The following ACBD3 variants were observed in gnomAD, a reference collection of about 807,000 sequenced individuals.
ACBD3 encodes acyl-CoA binding domain containing 3, also known as Golgi resident protein GCP60.
Under a neutral mutation model 66.9 loss-of-function variants are expected in ACBD3, and 30 were observed. The observed-to-expected ratio is 0.45, with a 90% CI of 0.34 to 0.61. ACBD3 has a LOEUF of 0.61. Among genes scored for constraint, ACBD3 ranks in the 20% least tolerant of loss-of-function variants. The pLI is 0.02. For synonymous variants in ACBD3, 278 were observed against 259.8 expected, an observed-to-expected ratio of 1.07 and a Z score of -0.68; for missense variants, 544 against 664.5, an observed-to-expected ratio of 0.82 and a Z score of 1.99.
Position 226,161,663 on chromosome 1 carries a change from C to G in ACBD3, c.596G>C (p.Arg199Pro), listed in dbSNP as rs762254068. The change falls in exon 4 of 8, where the codon CGT (arginine) becomes CCT (proline). Residue 199 changes from arginine to proline, a missense_variant. This residue lies in a region of ACBD3 where 383 missense variants were observed against 462.4 expected (regional missense o/e 0.83). Coordinates refer to ENST00000366812, the MANE Select transcript of ACBD3 (RefSeq NM_022735.4). ...CAGACGTTCTCTTTCTTCCTCTTCA[C>G]GCCGCCTTCGCTCCTCTTCCTCCTT... ...KRKEEEERRRREEEERERLQK... is the reference protein window; with the variant it reads ...KRKEEEERRRPEEEERERLQK... 1.9e-6 allele frequency: 3 copies of G among 1,604,144 alleles called. No homozygotes were observed. Among genetic ancestry groups the G allele is most frequent in the African/African-American group, 2.7e-5 (2 of 74,344 alleles).
rs1469262428 is a variant in ACBD3, at chr1:226,146,575, C to T, written c.*35G>A. 6.4e-7 allele frequency: 1 copy of T among 1,570,050 alleles called. No individual in the cohort carries two copies. The highest frequency in any genetic ancestry group is 8.7e-7 in the Non-Finnish European group (1 of 1,144,140). On this transcript the variant is annotated 3_prime_UTR_variant, in exon 8 of 8. Transcript: ENST00000366812. ...TTTCCAAATTAAATGTCATCTTCTG[C>T]CCAACCCTAGACTCCAGACTTTGTA...
chr1:226,175,074 AGAGT>A (rs1479439315), intron 1 of ACBD3, among the ~76,000 whole-genome samples: 1 of 148,896 alleles, frequency 6.7e-6, no homozygotes, highest in Non-Finnish European at 1.5e-5. Flanking sequence ...GCCTGACAAA[AGAGT>A]GAGACTCCAT....
In ACBD3 at chr1:226,145,615, T is replaced by C. The variant is rs901384204; in HGVS notation, c.*995A>G. On this transcript the variant is annotated 3_prime_UTR_variant, in exon 8 of 8. Coordinates refer to ENST00000366812, the MANE Select transcript of ACBD3 (RefSeq NM_022735.4). ...TTCTCCTTAATAAGTAATTCCAAAC[T>C]GGAATAATGTGGGGTTTGTGACTAA... 2 of 152,598 alleles carry C rather than the reference T, an allele frequency of 1.3e-5. No homozygotes were observed. Among genetic ancestry groups the C allele is most frequent in the Admixed American group, 6.5e-5 (1 of 15,276 alleles). 9.5% of individuals were successfully genotyped at this position (152,598 alleles called of 1,614,324 possible).
chr1:226,165,054 C>T, intron 2 of ACBD3, 125 bp from the exon 3 acceptor site: 1 of 1,027,404 alleles, frequency 9.7e-7, no homozygotes, highest in Non-Finnish European at 1.3e-6. Flanking sequence ...GAGCAAAAGG[C>T]TCAAAACTTC....
In ACBD3 at chr1:226,152,220, T is replaced by A. The variant is rs1457997950; in HGVS notation, c.1375+115A>T. On this transcript the variant is annotated intron_variant, in intron 7 of 7. Transcript: ENST00000366812. ...CAAGGTCCCACTAATGAAGAAAGTG[T>A]TCCCTAACCATGAAGTGTTAGTCAG... is the stretch of plus-strand genomic sequence containing the variant. 5.1e-6 allele frequency: 7 copies of A among 1,362,072 alleles called. No individual in the cohort carries two copies. The African/African-American group carries it at 1.0e-4, about 20-fold the overall frequency. The allele number at this position is 1,362,072 out of a possible 1,614,324, so 84.4% of individuals were successfully genotyped here. A position where few individuals can be genotyped will look rare whatever the true frequency, so the allele number is the denominator to read the frequency against.
chr1:226,170,891 C>T (rs149339816), intron 1 of ACBD3, among the ~76,000 whole-genome samples: 4,619 of 150,050 alleles, frequency 0.031, 215 homozygotes, highest in African/African-American at 0.11. Flanking sequence ...GGGATTCTCC[C>T]ACCTCAGCCT....
rs1659779918 is a variant in ACBD3 at position 226,161,768 on chromosome 1, G to A, written c.570-79C>T. 1.3e-5 allele frequency: 19 copies of A among 1,463,952 alleles called. No homozygotes were observed. The South Asian group carries it at 2.7e-4, about 21-fold the overall frequency. 90.7% of individuals were successfully genotyped at this position (1,463,952 alleles called of 1,614,324 possible). On this transcript the variant is annotated intron_variant, in intron 3 of 7. Coordinates refer to ENST00000366812, the MANE Select transcript of ACBD3 (RefSeq NM_022735.4). ...AAAACTTTAGCTCCCAGGGAAAACTGACATGACCTTTTTAGAGAACAATGT... is the reference window on the plus strand; with the variant it reads ...AAAACTTTAGCTCCCAGGGAAAACTAACATGACCTTTTTAGAGAACAATGT...
At chr1:226,182,810 A>T (rs2102792173) in intron 1 of ACBD3, among the ~76,000 whole-genome samples, 1 of 152,238 alleles carries the variant, frequency 6.6e-6, no homozygotes, top group East Asian at 1.9e-4. Flanking sequence ...ACTGTACTGC[A>T]GTTGTCACTG....
chr1:226,150,776 G>T (rs1217241409), intron 7 of ACBD3, among the ~76,000 whole-genome samples: 1 of 152,166 alleles, frequency 6.6e-6, no homozygotes, highest in African/African-American at 2.4e-5. Flanking sequence ...AAAGACTGAT[G>T]AAAACAAAAT....
intron 6 of ACBD3, among the ~76,000 whole-genome samples, chr1:226,154,406 T>C (rs971528061): frequency 2.6e-5 from 4 of 152,004 alleles, no homozygotes; most frequent in African/African-American, 4.8e-5. Flanking sequence ...ATAATTTATA[T>C]ATATATATAT....
In ACBD3 at chr1:226,161,546, C is replaced by A. The variant is rs771793485; in HGVS notation, c.713G>T (p.Arg238Leu). Residue 238 changes from arginine (R) to leucine (L), a missense_variant, in exon 4 of 8, where the codon CGG (arginine) becomes CTG (leucine). Transcript: ENST00000366812. ...ERRRIEEERLRLEQQKQQIMA... is the reference protein window; with the variant it reads ...ERRRIEEERLLLEQQKQQIMA... ...ATAAACTTACTTTTGCTGCTCCAAC[C>A]GAAGCCTTTCTTCTTCTATCCGTCT... 4.3e-6 allele frequency: 7 copies of A among 1,613,558 alleles called. No homozygotes were observed. In the South Asian group the frequency reaches 7.7e-5, roughly 18 times the overall value.
intron 1 of ACBD3, among the ~76,000 whole-genome samples, chr1:226,174,420 T>C (rs1226843757): frequency 6.6e-6 from 1 of 152,140 alleles, no homozygotes; most frequent in African/African-American, 2.4e-5. Context: ...GACAATTACC[T>C]CTGATCCTTA....
intron 1 of ACBD3, among the ~76,000 whole-genome samples, chr1:226,182,417 CAGACT>C (rs1445794180): frequency 6.6e-6 from 1 of 152,072 alleles, no homozygotes; most frequent in African/African-American, 2.4e-5. Flanking sequence ...AGTCCAAGAC[CAGACT>C]GGCCAACATG....
At chr1:226,173,674 C>G (rs374091629) in intron 1 of ACBD3, among the ~76,000 whole-genome samples, 1 of 151,488 alleles carries the variant, frequency 6.6e-6, no homozygotes, top group Non-Finnish European at 1.5e-5. Flanking sequence ...CTCTCTTACT[C>G]TTCAGGTGGC....
intron 4 of ACBD3, among the ~76,000 whole-genome samples, chr1:226,159,702 C>A (rs750586192): frequency 2.0e-5 from 3 of 152,200 alleles, no homozygotes; most frequent in Non-Finnish European, 4.4e-5. Context: ...TTAGTCCTCA[C>A]AACAACCCTC....
chr1:226,159,238 T>C lies in ACBD3; in HGVS notation c.849A>G (p.Gln283=), dbSNP rs1462676277. The change falls in exon 5 of 8, where the codon CAA becomes CAG. Residue 283 remains glutamine (Q), a synonymous_variant. Coordinates refer to ENST00000366812, the MANE Select transcript of ACBD3 (RefSeq NM_022735.4). ...QQILIRQLQE[Q]HYQQYMQQLY... is the part of the protein sequence containing the mutation. The stretch of plus-strand genomic sequence containing the variant: ...ACTGCTGCATGTACTGCTGATAGTG[T>C]TGCTCCTGCAACTGGCGGATGAGAA... 6.2e-7 allele frequency: 1 copy of C among 1,614,172 alleles called. No homozygotes were observed. Among genetic ancestry groups the C allele is most frequent in the Non-Finnish European group, 8.5e-7 (1 of 1,180,002 alleles).
chr1:226,170,333 A>ATTTTTTTTTTTT (rs71574563), intron 1 of ACBD3, among the ~76,000 whole-genome samples: 4 of 109,842 alleles, frequency 3.6e-5, no homozygotes, highest in African/African-American at 3.6e-5. Flanking sequence ...AATTTTTTGA[A>ATTTTTTTTTTTT]TTTTTTTTTT....
At chr1:226,152,156 A>T (rs1456385414) in intron 7 of ACBD3, among the ~76,000 whole-genome samples, 179 bp downstream of exon 7, 1 of 152,218 alleles carries the variant, frequency 6.6e-6, no homozygotes, top group Non-Finnish European at 1.5e-5. Context: ...TTTAGGCCCC[A>T]GTCCCCTACA....
chr1:226,159,227 T>C lies in ACBD3; in HGVS notation c.860A>G (p.Gln287Arg). The change falls in exon 5 of 8, where the codon CAG (glutamine) becomes CGG (arginine). Residue 287 changes from glutamine (Q) to arginine (R), a missense_variant. Transcript: ENST00000366812. ...IRQLQEQHYQ[Q>R]YMQQLYQVQL... ...GACTTGATACAACTGCTGCATGTAC[T>C]GCTGATAGTGTTGCTCCTGCAACTG... is the stretch of plus-strand genomic sequence containing the variant. The C allele has an allele frequency of 6.2e-7, 1 of 1,614,232 alleles. No individual in the cohort carries two copies. The highest frequency in any genetic ancestry group is 8.5e-7 in the Non-Finnish European group (1 of 1,180,016).
Sources: allele counts gnomAD v4.1 joint callset (sites outside exome capture counted in the v4.1 genomes callset), GRCh38; gene constraint gnomAD v4.1.1; regional missense constraint gnomAD v4.1.1; transcripts MANE v1.5; gene names NCBI Gene and HGNC (gene_info 2026-07-23, HGNC 2026-07-21).